FOXJ3: variants seen among roughly 807,000 people sequenced by gnomAD.
FOXJ3 encodes forkhead box protein J3.
In FOXJ3, 22 loss-of-function variants were observed where a neutral mutation model predicts 76.1. That is an observed-to-expected ratio of 0.29 (90% CI 0.21 to 0.41). The LOEUF is 0.41. Among genes scored for constraint, FOXJ3 ranks in the 10% least tolerant of loss-of-function variants. The pLI, the probability that FOXJ3 is intolerant of heterozygous loss-of-function variation, is 1.00. For missense variants in FOXJ3, 613 were observed against 762.1 expected (o/e 0.80, Z 2.30); for synonymous variants, 269 against 261.2 (o/e 1.03, Z -0.29).
intron 1 of FOXJ3, among the ~76,000 whole-genome samples, chr1:42,319,947 C>T (rs1178907876): frequency 1.3e-5 from 2 of 152,268 alleles, no homozygotes; most frequent in Admixed American, 6.5e-5. Context: ...TCACTAAACA[C>T]GTTTAATGAA....
At chr1:42,181,648 C>A (rs1435735325) in intron 12 of FOXJ3, among the ~76,000 whole-genome samples, 1 of 152,218 alleles carries the variant, frequency 6.6e-6, no homozygotes, top group Non-Finnish European at 1.5e-5. Flanking sequence ...GCACAAGTGC[C>A]AAGTGGCTGT....
chr1:42,331,635 C>T (rs984875655), intron 1 of FOXJ3, among the ~76,000 whole-genome samples: 1 of 152,042 alleles, frequency 6.6e-6, no homozygotes, highest in African/African-American at 2.4e-5. Flanking sequence ...ATTGTAAGTA[C>T]ATTAGTGGCT....
intron 4 of FOXJ3, among the ~76,000 whole-genome samples, chr1:42,228,395 A>G (rs1647758498): frequency 6.6e-6 from 1 of 152,128 alleles, no homozygotes; most frequent in South Asian, 2.1e-4. Context: ...AACACATTTT[A>G]TATAGTAAGT....
intron 2 of FOXJ3, among the ~76,000 whole-genome samples, chr1:42,295,345 A>G (rs1653714646): frequency 6.6e-6 from 1 of 152,190 alleles, no homozygotes; most frequent in African/African-American, 2.4e-5. Flanking sequence ...TTCACTTAGG[A>G]TAATAACCTC....
intron 1 of FOXJ3, among the ~76,000 whole-genome samples, chr1:42,333,821 T>C (rs911038049): frequency 1.3e-5 from 2 of 152,338 alleles, no homozygotes; most frequent in African/African-American, 2.4e-5. Context: ...AAAGAGCTTC[T>C]ACAAAATAAG....
At chr1:42,234,029 C>T (rs547789181) in intron 4 of FOXJ3, among the ~76,000 whole-genome samples, 2 of 152,268 alleles carry the variant, frequency 1.3e-5, no homozygotes, top group Admixed American at 1.3e-4. Flanking sequence ...TGTCACAGGC[C>T]TTTTCTGCAT....
intron 5 of FOXJ3, among the ~76,000 whole-genome samples, chr1:42,219,981 CT>C (rs1317181878): frequency 1.2e-4 from 19 of 152,288 alleles, no homozygotes; most frequent in African/African-American, 4.3e-4. Context: ...GGCAACACCC[CT>C]ATCCTCACTC....
At chr1:42,218,898 A>C (rs1303806429) in intron 5 of FOXJ3, among the ~76,000 whole-genome samples, 1 of 152,206 alleles carries the variant, frequency 6.6e-6, no homozygotes, top group Non-Finnish European at 1.5e-5. Context: ...TGCCAAATAT[A>C]TCTCTACCTC....
At chr1:42,195,139 CTG>C in intron 7 of FOXJ3, 75 bp from the exon 8 acceptor site, 4 of 1,095,916 alleles carry the variant, frequency 3.6e-6, no homozygotes, top group Non-Finnish European at 3.9e-6. Context: ...AAATATATAA[CTG>C]AAAACAGTGT....
intron 3 of FOXJ3, among the ~76,000 whole-genome samples, chr1:42,273,713 A>G (rs1278863176): frequency 6.7e-6 from 1 of 150,348 alleles, no homozygotes; most frequent in Non-Finnish European, 1.5e-5. Flanking sequence ...AAAGAGGAGG[A>G]TATCATGTAG....
intron 3 of FOXJ3, among the ~76,000 whole-genome samples, chr1:42,268,882 A>T (rs1651668067): frequency 6.6e-6 from 1 of 152,098 alleles, no homozygotes; most frequent in Non-Finnish European, 1.5e-5. Context: ...CATGAATGAG[A>T]CTAGTGTTTA....
chr1:42,187,969 G>C (rs1410576802), intron 11 of FOXJ3, among the ~76,000 whole-genome samples: 1 of 152,214 alleles, frequency 6.6e-6, no homozygotes, highest in Non-Finnish European at 1.5e-5. Flanking sequence ...TGATAAGCTT[G>C]ACTTGAATAA....
At chr1:42,293,087 T>C (rs566396295) in intron 2 of FOXJ3, among the ~76,000 whole-genome samples, 1 of 152,254 alleles carries the variant, frequency 6.6e-6, no homozygotes, top group African/African-American at 2.4e-5. Flanking sequence ...GGTGACACAG[T>C]GAGACTCTGC....
At chr1:42,290,707 T>G (rs779341604) in intron 2 of FOXJ3, among the ~76,000 whole-genome samples, 1 of 152,204 alleles carries the variant, frequency 6.6e-6, no homozygotes. Context: ...TATCTTTTTC[T>G]TCTTATGAAG....
rs549541806 is a variant in FOXJ3, at chr1:42,200,610, T to G, written c.631-1380A>C. On this transcript the variant is annotated intron_variant, in intron 6 of 12. Coordinates refer to ENST00000361346, the MANE Select transcript of FOXJ3 (RefSeq NM_014947.5). ...TCTCCTGCCTCAGCCTCCAAAGTAG[T>G]TGGGATTACAGATGCGCGCCACCAT... Among the ~76,000 whole-genome samples the G allele has an allele frequency of 3.3e-5, 5 of 152,134 alleles. No individual in the cohort carries two copies. The East Asian group carries it at 9.7e-4, about 30-fold the overall frequency.
At chr1:42,184,581 C>T (rs890276486) in intron 11 of FOXJ3, among the ~76,000 whole-genome samples, 1 of 151,956 alleles carries the variant, frequency 6.6e-6, no homozygotes, top group African/African-American at 2.4e-5. Flanking sequence ...CTGCTCGAGG[C>T]ACTATGGATA....
At chr1:42,185,252 A>ATTTTTTTTTTTT (rs36007346) in intron 11 of FOXJ3, among the ~76,000 whole-genome samples, 1 of 108,296 alleles carries the variant, frequency 9.2e-6, no homozygotes, top group Non-Finnish European at 1.8e-5. Context: ...AACATACTGA[A>ATTTTTTTTTTTT]TTTTTTTTTT....
chr1:42,203,292 G>C (rs1300063382), intron 6 of FOXJ3, among the ~76,000 whole-genome samples: 1 of 152,096 alleles, frequency 6.6e-6, no homozygotes, highest in African/African-American at 2.4e-5. Flanking sequence ...TCCCCCAACT[G>C]CATGTTTAGT....
In FOXJ3 at chr1:42,291,025, T is replaced by TATAG. The variant is rs80123722; in HGVS notation, c.45-12357_45-12354dup. ...AGAACAGAGTCCAAGAAAAGACCCA[T>TATAG]ATAGATAGATAGATAGATAGATAGA... On this transcript the variant is annotated intron_variant, in intron 2 of 12. Coordinates refer to ENST00000361346, the MANE Select transcript of FOXJ3 (RefSeq NM_014947.5). 3.8e-3 allele frequency among the ~76,000 whole-genome samples: 511 copies of TATAG among 134,306 alleles called. 1 individual carries two copies. Among genetic ancestry groups the TATAG allele is most frequent in the African/African-American group, 5.2e-3 (185 of 35,262 alleles). 88.1% of individuals were successfully genotyped at this position (134,306 alleles called of 152,430 possible).
Sources: gnomAD v4.1 joint callset for allele counts (sites outside exome capture counted in the v4.1 genomes callset) on GRCh38, gnomAD v4.1.1 for gene constraint, MANE v1.5 for transcripts, NCBI Gene and HGNC (gene_info 2026-07-23, HGNC 2026-07-21) for gene names.